SGTB: variants seen among roughly 807,000 people sequenced by gnomAD.
SGTB encodes the protein small glutamine rich tetratricopeptide repeat co-chaperone beta, also known as small glutamine-rich tetratricopeptide repeat-containing protein beta.
SGTB carries 19 observed loss-of-function variants against 43.9 expected under a neutral mutation model. The ratio of observed to expected loss-of-function variants is 0.43; its 90% CI spans 0.30 to 0.63. The LOEUF (loss-of-function observed/expected upper bound fraction) is 0.63. Ranked by LOEUF, SGTB falls within the 30% of genes least tolerant of loss-of-function variation. The pLI is 0.12. For synonymous variants in SGTB, 116 were observed against 117.3 expected (o/e 0.99, Z 0.07); for missense variants, 304 against 358.9 (o/e 0.85, Z 1.24).
At chr5:65,706,428 A>G (rs1055109478) in intron 4 of SGTB, among the ~76,000 whole-genome samples, 7 of 152,200 alleles carry the variant, frequency 4.6e-5, no homozygotes, top group African/African-American at 1.7e-4. Context: ...TGTCACCTCA[A>G]AGGTGTAGAT....
In SGTB at chr5:65,670,890, A is replaced by G. The variant is rs564336857; in HGVS notation, c.804-533T>C. The stretch of plus-strand genomic sequence containing the variant: ...TAAGTGGATACACAGTTGTGCTGAC[A>G]AACAACAAGTGGTACTGTGGCTTCA... On this transcript the variant is annotated intron_variant, in intron 10 of 10. Transcript: ENST00000381007. Among the ~76,000 whole-genome samples, 5 of 152,372 alleles carry G rather than the reference A, an allele frequency of 3.3e-5. No individual in the cohort carries two copies. In the South Asian group the frequency reaches 1.0e-3, roughly 32 times the overall value.
At chr5:65,680,392 C>A (rs543730155) in intron 8 of SGTB, 102 bp downstream of exon 8, 3 of 1,206,264 alleles carry the variant, frequency 2.5e-6, no homozygotes, top group South Asian at 1.4e-5. Context: ...TACTCCACTA[C>A]AACCACCACC....
At chr5:65,686,375 A>C (rs1757498479) in intron 5 of SGTB, among the ~76,000 whole-genome samples, 1 of 152,124 alleles carries the variant, frequency 6.6e-6, no homozygotes, top group Non-Finnish European at 1.5e-5. Flanking sequence ...CCAGAAATGA[A>C]CTTAGGCTCC....
intron 8 of SGTB, among the ~76,000 whole-genome samples, chr5:65,679,488 G>T (rs1314780256): frequency 2.6e-5 from 4 of 152,004 alleles, no homozygotes; most frequent in Non-Finnish European, 5.9e-5. Context: ...ATGGTTGTGG[G>T]TGCCTATAAT....
chr5:65,686,871 T>C (rs1429430919), intron 5 of SGTB, among the ~76,000 whole-genome samples: 1 of 152,218 alleles, frequency 6.6e-6, no homozygotes, highest in Non-Finnish European at 1.5e-5. Flanking sequence ...ATTTCTTAAG[T>C]ATGTTCTAAT....
In SGTB at chr5:65,670,362, A is replaced by G; in HGVS notation, c.804-5T>C. The G allele has an allele frequency of 6.2e-7, 1 of 1,612,004 alleles. No homozygotes were observed. Among genetic ancestry groups the G allele is most frequent in the Non-Finnish European group, 8.5e-7 (1 of 1,178,232 alleles). Reference sequence around the variant, plus strand: ...TGCTGAGCAAACTGCTGTCCCCTGTAGTAAAGAGGCAATGTGGTTTGAATA... The same window carrying G: ...TGCTGAGCAAACTGCTGTCCCCTGTGGTAAAGAGGCAATGTGGTTTGAATA... On this transcript the variant is annotated splice_region_variant and splice_polypyrimidine_tract_variant and intron_variant, in intron 10 of 10. Transcript: ENST00000381007.
At chr5:65,695,487 A>T (rs1757699746) in intron 5 of SGTB, among the ~76,000 whole-genome samples, 1 of 152,210 alleles carries the variant, frequency 6.6e-6, no homozygotes, top group Non-Finnish European at 1.5e-5. Context: ...CTGGAAGATG[A>T]AGCGAAACAT....
At chr5:65,693,252 G>A (rs1160878879) in intron 5 of SGTB, among the ~76,000 whole-genome samples, 6 of 150,020 alleles carry the variant, frequency 4.0e-5, no homozygotes, top group Non-Finnish European at 8.9e-5. Context: ...GAGAGAGGAA[G>A]GAAGGAAGGA....
At chr5:65,674,710 AT>A (rs1757231309) in intron 8 of SGTB, among the ~76,000 whole-genome samples, 1 of 152,170 alleles carries the variant, frequency 6.6e-6, no homozygotes, top group African/African-American at 2.4e-5. Context: ...CTCACACCTT[AT>A]TTTGGTACAT....
rs1263406526 is a variant in SGTB, at chr5:65,667,800, A to G, written c.*2446T>C. 1 of 152,148 alleles carries G rather than the reference A, an allele frequency of 6.6e-6. No individual in the cohort carries two copies. Among genetic ancestry groups the G allele is most frequent in the Non-Finnish European group, 1.5e-5 (1 of 68,034 alleles). 9.4% of individuals were successfully genotyped at this position (152,148 alleles called of 1,614,324 possible). A position where few individuals can be genotyped will look rare whatever the true frequency, so the allele number is the denominator to read the frequency against. On this transcript the variant is annotated 3_prime_UTR_variant, in exon 11 of 11. Coordinates refer to ENST00000381007, the MANE Select transcript of SGTB (RefSeq NM_019072.3). The stretch of plus-strand genomic sequence containing the variant: ...ACAGGACCTACTGTATCAGAATTGA[A>G]CACGTGGCCCTGAATCTGCATCTTT...
chr5:65,688,239 G>A (rs1045499229), intron 5 of SGTB, among the ~76,000 whole-genome samples: 8 of 152,038 alleles, frequency 5.3e-5, no homozygotes, highest in Non-Finnish European at 8.8e-5. Flanking sequence ...GTCCAGAAAC[G>A]GAGCATGAGA....
rs1757105567 is a variant in SGTB, at chr5:65,669,220, A to G, written c.*1026T>C. 1 of 152,228 alleles carries G rather than the reference A, an allele frequency of 6.6e-6. No homozygotes were observed. Among genetic ancestry groups the G allele is most frequent in the South Asian group, 2.1e-4 (1 of 4,832 alleles). 9.4% of individuals were successfully genotyped at this position (152,228 alleles called of 1,614,324 possible). On this transcript the variant is annotated 3_prime_UTR_variant, in exon 11 of 11. Coordinates refer to ENST00000381007, the MANE Select transcript of SGTB (RefSeq NM_019072.3). Reference sequence around the variant, plus strand: ...CCAAATTATCACAGAAGATTACATGAACAAGCAATGTTAGTGATAGATGCT... The same window carrying G: ...CCAAATTATCACAGAAGATTACATGGACAAGCAATGTTAGTGATAGATGCT...
At chr5:65,708,648 T>G in intron 3 of SGTB, 90 bp from the exon 4 acceptor site, 1 of 997,836 alleles carries the variant, frequency 1.0e-6, no homozygotes, top group South Asian at 1.9e-5. Context: ...TTACCCACAT[T>G]TTAAATCATC....
In SGTB at chr5:65,686,520, T is replaced by G. The variant is rs538646045; in HGVS notation, c.375-1048A>C. Among the ~76,000 whole-genome samples, 10 of 151,896 alleles carry G rather than the reference T, an allele frequency of 6.6e-5. No homozygotes were observed. In the East Asian group the frequency reaches 9.7e-4, roughly 15 times the overall value. On this transcript the variant is annotated intron_variant, in intron 5 of 10. Coordinates refer to ENST00000381007, the MANE Select transcript of SGTB (RefSeq NM_019072.3). ...TATTCTCTCTTTACCCACATTTGTT[T>G]TTTTTTTTTTTCCTTTTTGTAGCAA...
chr5:65,715,822 T>C (rs1010553014), intron 2 of SGTB, among the ~76,000 whole-genome samples: 8 of 152,192 alleles, frequency 5.3e-5, no homozygotes, highest in African/African-American at 1.9e-4. Context: ...CAGGCTGGAG[T>C]GCAGTGGCGT....
chr5:65,710,995 CAAAAAAA>C (rs982877268), intron 3 of SGTB, among the ~76,000 whole-genome samples: 3 of 93,170 alleles, frequency 3.2e-5, no homozygotes, highest in Non-Finnish European at 4.2e-5. Flanking sequence ...GACTCTGTCT[CAAAAAAA>C]AAAAAAAAAA....
chr5:65,722,333 A>C, upstream of SGTB: 2 of 1,517,520 alleles, frequency 1.3e-6, no homozygotes, highest in Non-Finnish European at 1.8e-6. Flanking sequence ...CCCCACGCCG[A>C]AGGACCACGC....
chr5:65,720,556 G>T, intron 2 of SGTB, 152 bp downstream of exon 2: 1 of 771,490 alleles, frequency 1.3e-6, no homozygotes. Flanking sequence ...TTCAGAAAAT[G>T]GAAATACGAT....
At chr5:65,693,177 AGAGAAGGACAGGACAGGATG>A (rs1309727087) in intron 5 of SGTB, among the ~76,000 whole-genome samples, 1 of 151,766 alleles carries the variant, frequency 6.6e-6, no homozygotes, top group Admixed American at 6.6e-5. Context: ...TGACAGAGTG[AGAGAAGGACAGGACAGGATG>A]GGACGGGAAG....
Sources: allele counts gnomAD v4.1 joint callset (sites outside exome capture counted in the v4.1 genomes callset), GRCh38; gene constraint gnomAD v4.1.1; transcripts MANE v1.5; gene names NCBI Gene and HGNC (gene_info 2026-07-23, HGNC 2026-07-21).